NTMT1: variants seen among roughly 807,000 people sequenced by gnomAD.
The protein encoded by NTMT1 is N-terminal Xaa-Pro-Lys N-methyltransferase 1.
NTMT1 carries 8 observed loss-of-function variants against 17.5 expected under a neutral mutation model. That is an observed-to-expected ratio of 0.46 (90% CI 0.27 to 0.82). The LOEUF (loss-of-function observed/expected upper bound fraction) is 0.82. Ranked by LOEUF, NTMT1 falls within the 40% of genes least tolerant of loss-of-function variation. The probability of loss-of-function intolerance (pLI) is 0.15; values close to 1 mark genes in which losing one functional copy is unlikely to be tolerated. For missense variants in NTMT1, 221 were observed against 303.5 expected (o/e 0.73, Z 2.02); for synonymous variants, 128 against 126.8 (o/e 1.01, Z -0.06).
chr9:129,622,122 G>A (rs1195089419), upstream of NTMT1, among the ~76,000 whole-genome samples: 1 of 152,206 alleles, frequency 6.6e-6, no homozygotes, highest in Non-Finnish European at 1.5e-5. Context: ...TCCAGATCTG[G>A]GAGGCTTAGG....
At chr9:129,610,989 C>A (rs1353043923) in intron 1 of NTMT1, among the ~76,000 whole-genome samples, 1 of 152,162 alleles carries the variant, frequency 6.6e-6, no homozygotes, top group African/African-American at 2.4e-5. Context: ...AATCAGGTAC[C>A]CGGTGGAGGG....
At chr9:129,612,009 C>T (rs1315640571) in intron 1 of NTMT1, among the ~76,000 whole-genome samples, 1 of 152,044 alleles carries the variant, frequency 6.6e-6, no homozygotes, top group Admixed American at 6.5e-5. Context: ...CTCAGCCTTC[C>T]AAAGTTCTGG....
intron 2 of NTMT1, 146 bp from the exon 3 acceptor site, chr9:129,633,908 G>T: frequency 1.2e-6 from 1 of 833,058 alleles, no homozygotes; most frequent in Admixed American, 2.9e-5. Flanking sequence ...GTACAAGCTG[G>T]CAGCCAGCAC....
chr9:129,615,729 G>T, intron 1 of NTMT1: 1 of 1,414,092 alleles, frequency 7.1e-7, no homozygotes, highest in Non-Finnish European at 9.3e-7. Context: ...CTCGCTGTGA[G>T]ATCCTGGACA....
At chr9:129,627,296 C>G (rs990035416) in intron 1 of NTMT1, among the ~76,000 whole-genome samples, 6 of 152,160 alleles carry the variant, frequency 3.9e-5, no homozygotes, top group Non-Finnish European at 7.3e-5. Context: ...GGCTGATTTG[C>G]AGAGCTGTTT....
intron 1 of NTMT1, chr9:129,615,663 G>C: frequency 6.6e-7 from 1 of 1,524,914 alleles, no homozygotes. Context: ...AGAGGGGAGA[G>C]GGGCCTGTGC....
chr9:129,615,468 C>A, intron 1 of NTMT1: 1 of 1,567,796 alleles, frequency 6.4e-7, no homozygotes, highest in African/African-American at 1.4e-5. Context: ...CGAGGCTCCC[C>A]ATCCTGTCTG....
chr9:129,620,534 G>A lies in NTMT1; in HGVS notation c.-55+11356G>A. ...TCCGTCGCCAGGGAGCCCCTTGGGC[G>A]CCAGGTCCTGGGCCCCTGGGCGAAG... On this transcript the variant is annotated intron_variant, in intron 1 of 3. Transcript: ENST00000372486. The surrounding 1 kb of genome is among the most constrained non-coding windows in gnomAD (Gnocchi z 5.8). The A allele has an allele frequency of 1.4e-6, 2 of 1,442,726 alleles. No individual in the cohort carries two copies. Among genetic ancestry groups the A allele is most frequent in the Non-Finnish European group, 9.1e-7 (1 of 1,095,286 alleles). 89.4% of individuals were successfully genotyped at this position (1,442,726 alleles called of 1,614,324 possible). A position where few individuals can be genotyped will look rare whatever the true frequency, so the allele number is the denominator to read the frequency against.
intron 1 of NTMT1, among the ~76,000 whole-genome samples, chr9:129,617,892 A>G (rs7849985): frequency 0.016 from 2,400 of 152,096 alleles, 56 homozygotes; most frequent in African/African-American, 0.054. Context: ...CCATGTTACC[A>G]AGGCTGGTCT....
chr9:129,631,373 C>T (rs760104580), intron 1 of NTMT1, among the ~76,000 whole-genome samples: 1 of 152,238 alleles, frequency 6.6e-6, no homozygotes, highest in Non-Finnish European at 1.5e-5. Context: ...GGTGACAGCA[C>T]TGTGCCTTGG....
chr9:129,631,784 T>G (rs1831181303), intron 1 of NTMT1, among the ~76,000 whole-genome samples: 1 of 152,146 alleles, frequency 6.6e-6, no homozygotes, highest in Non-Finnish European at 1.5e-5. Flanking sequence ...ACGCGTCCCC[T>G]CCTCAGGGAT....
In NTMT1 at chr9:129,620,517, C is replaced by T. The variant is rs1320987338; in HGVS notation, c.-55+11339C>T. The T allele has an allele frequency of 6.9e-7, 1 of 1,444,170 alleles. No individual in the cohort carries two copies. The highest frequency in any genetic ancestry group is 9.1e-7 in the Non-Finnish European group (1 of 1,096,620). The allele number at this position is 1,444,170 out of a possible 1,614,324, so 89.5% of individuals were successfully genotyped here. On this transcript the variant is annotated intron_variant, in intron 1 of 3. Coordinates refer to the NTMT1 transcript ENST00000372486. The surrounding 1 kb of genome is among the most constrained non-coding windows in gnomAD (Gnocchi z 5.8). ...CTGCTGCGTCGGAAGTCTCCGTCGC[C>T]AGGGAGCCCCTTGGGCGCCAGGTCC...
chr9:129,625,845 C>G (rs1005822853), upstream of NTMT1, among the ~76,000 whole-genome samples: 2 of 151,816 alleles, frequency 1.3e-5, no homozygotes, highest in African/African-American at 4.8e-5. Context: ...AAACCCGTCT[C>G]TACTAAAAAT....
chr9:129,611,401 G>A (rs1830112613), intron 1 of NTMT1, among the ~76,000 whole-genome samples: 1 of 152,168 alleles, frequency 6.6e-6, no homozygotes, highest in Non-Finnish European at 1.5e-5. Context: ...CTTGTCTTTC[G>A]CCACCTCCTG....
chr9:129,612,545 G>A (rs1564331473), intron 1 of NTMT1: 1 of 964,790 alleles, frequency 1.0e-6, no homozygotes, highest in Non-Finnish European at 1.6e-6. Context: ...AAGCCCTGTT[G>A]GGCAGGTAGT....
chr9:129,623,630 T>C (rs546168910), upstream of NTMT1, among the ~76,000 whole-genome samples: 1 of 152,318 alleles, frequency 6.6e-6, no homozygotes, highest in East Asian at 1.9e-4. Flanking sequence ...AGTGACTCAC[T>C]AGAGAACGCG....
upstream of NTMT1, chr9:129,626,109 G>A (rs1367992930): frequency 6.6e-6 from 1 of 152,198 alleles, no homozygotes; most frequent in East Asian, 1.9e-4. Flanking sequence ...AGGGGGTGGA[G>A]CCAGCCATGG....
chr9:129,618,450 G>A (rs1029533332), intron 1 of NTMT1, among the ~76,000 whole-genome samples: 4 of 152,050 alleles, frequency 2.6e-5, no homozygotes, highest in African/African-American at 4.8e-5. Context: ...GGACTGATGG[G>A]TGAGTTAATG....
intron 1 of NTMT1, among the ~76,000 whole-genome samples, chr9:129,615,241 G>A (rs965956863): frequency 9.2e-5 from 14 of 152,314 alleles, no homozygotes; most frequent in African/African-American, 3.4e-4. Context: ...CCTTGGCAGC[G>A]AGCAGTCCAA....
Sources: allele counts gnomAD v4.1 joint callset (sites outside exome capture counted in the v4.1 genomes callset), GRCh38; gene constraint gnomAD v4.1.1; non-coding constraint Gnocchi (gnomAD v3.1); transcripts MANE v1.5; gene names NCBI Gene and HGNC (gene_info 2026-07-23, HGNC 2026-07-21).